UVRAG: variants seen among roughly 807,000 people sequenced by gnomAD.
UVRAG encodes UV radiation resistance associated, also known as UV radiation resistance-associated gene protein.
A neutral mutation model predicts 78.0 loss-of-function variants in UVRAG; 19 were observed. That is an observed-to-expected ratio of 0.24 (90% CI 0.17 to 0.36). The LOEUF is 0.36. UVRAG is among the 10% of genes least tolerant of loss of function. UVRAG has a pLI of 1.00. For missense variants in UVRAG, 740 were observed against 853.8 expected, an observed-to-expected ratio of 0.87 and a Z score of 1.66; for synonymous variants, 323 against 324.6, an observed-to-expected ratio of 1.00 and a Z score of 0.05.
At chr11:76,110,232 G>T (rs867331525) in intron 13 of UVRAG, among the ~76,000 whole-genome samples, 6 of 125,436 alleles carry the variant, frequency 4.8e-5, no homozygotes, top group Admixed American at 7.3e-5. Context: ...ATATATATAT[G>T]TATTAGTAAT....
chr11:75,920,730 G>T (rs368191836), intron 6 of UVRAG, among the ~76,000 whole-genome samples: 47 of 152,024 alleles, frequency 3.1e-4, no homozygotes, highest in African/African-American at 1.1e-3. Flanking sequence ...TCATAGATAT[G>T]ATTTATAGAT....
rs114339401 is a variant in UVRAG at position 75,858,953 on chromosome 11, T to C, written c.236-2793T>C. 5.0e-3 allele frequency among the ~76,000 whole-genome samples: 765 copies of C among 152,362 alleles called. 7 individuals carry two copies. The highest frequency in any genetic ancestry group is 0.017 in the African/African-American group (721 of 41,590). ...ATGGAATGCTGCAGAACAGCCAAAATATGCCACTTGAAACATACTCTGCAA... is the reference window on the plus strand; with the variant it reads ...ATGGAATGCTGCAGAACAGCCAAAACATGCCACTTGAAACATACTCTGCAA... On this transcript the variant is annotated intron_variant, in intron 2 of 14. Coordinates refer to ENST00000356136, the MANE Select transcript of UVRAG (RefSeq NM_003369.4).
intron 1 of UVRAG, among the ~76,000 whole-genome samples, chr11:75,831,361 G>T (rs535609662): frequency 6.6e-6 from 1 of 151,984 alleles, no homozygotes; most frequent in African/African-American, 2.4e-5. Flanking sequence ...GGTGGCAGGC[G>T]CCTGTAATCC....
At chr11:75,853,708 A>G (rs1946213975) in intron 2 of UVRAG, among the ~76,000 whole-genome samples, 2 of 151,620 alleles carry the variant, frequency 1.3e-5, no homozygotes, top group South Asian at 4.2e-4. Context: ...ATGTAATTTT[A>G]TTTCATTCTC....
At chr11:76,100,659 G>C (rs1487582144) in intron 13 of UVRAG, among the ~76,000 whole-genome samples, 1 of 152,080 alleles carries the variant, frequency 6.6e-6, no homozygotes, top group African/African-American at 2.4e-5. Context: ...TTGTTATATA[G>C]GTAAATTCTT....
At chr11:75,875,095 A>G (rs1272567586) in intron 3 of UVRAG, among the ~76,000 whole-genome samples, 3 of 152,114 alleles carry the variant, frequency 2.0e-5, no homozygotes, top group Admixed American at 6.5e-5. Flanking sequence ...TGGATTGTGA[A>G]TTTTGTCCAG....
At chr11:76,038,894 G>C (rs747754901) in intron 12 of UVRAG, among the ~76,000 whole-genome samples, 1 of 152,154 alleles carries the variant, frequency 6.6e-6, no homozygotes, top group African/African-American at 2.4e-5. Flanking sequence ...ACTCAATTCT[G>C]CCAACAACCT....
chr11:75,867,391 C>T (rs1206830216), intron 3 of UVRAG, among the ~76,000 whole-genome samples: 4 of 151,942 alleles, frequency 2.6e-5, no homozygotes, highest in Non-Finnish European at 4.4e-5. Context: ...GAAATAATAT[C>T]GTATGCACTC....
At chr11:76,091,494 A>G (rs1951695596) in intron 13 of UVRAG, among the ~76,000 whole-genome samples, 1 of 151,960 alleles carries the variant, frequency 6.6e-6, no homozygotes, top group South Asian at 2.1e-4. Flanking sequence ...TTCCTGGACT[A>G]CTATCGTTTA....
At chr11:75,867,092 T>C (rs771840402) in intron 3 of UVRAG, among the ~76,000 whole-genome samples, 6 of 152,320 alleles carry the variant, frequency 3.9e-5, no homozygotes, top group East Asian at 3.9e-4. Flanking sequence ...GTGACAGATA[T>C]TTGCTTCTCT....
intron 12 of UVRAG, among the ~76,000 whole-genome samples, chr11:76,033,760 AT>A (rs1200075773): frequency 2.0e-5 from 3 of 152,310 alleles, no homozygotes; most frequent in Non-Finnish European, 4.4e-5. Flanking sequence ...CTCACTAATA[AT>A]CAGGAAATGC....
At chr11:75,906,088 C>T (rs1278199855) in intron 5 of UVRAG, among the ~76,000 whole-genome samples, 1 of 152,122 alleles carries the variant, frequency 6.6e-6, no homozygotes, top group Non-Finnish European at 1.5e-5. Context: ...TTTATATCAT[C>T]TGGAAATTAG....
intron 2 of UVRAG, among the ~76,000 whole-genome samples, chr11:75,858,780 GT>G (rs1384277064): frequency 6.6e-6 from 1 of 152,150 alleles, no homozygotes; most frequent in Non-Finnish European, 1.5e-5. Context: ...TTGCCACCCT[GT>G]TAGGTGAAAA....
intron 2 of UVRAG, among the ~76,000 whole-genome samples, chr11:75,853,993 G>A (rs1946225688): frequency 6.6e-6 from 1 of 151,480 alleles, no homozygotes; most frequent in African/African-American, 2.4e-5. Flanking sequence ...GGCTGGTCTT[G>A]AACTCCTGAC....
intron 5 of UVRAG, among the ~76,000 whole-genome samples, chr11:75,911,015 AATGTGAAACATTGTTTCC>A (rs1441669620): frequency 6.6e-5 from 10 of 152,224 alleles, no homozygotes. Context: ...CACAATTTAT[AATGTGAAACATTGTTTCC>A]GTGGGAAACT....
intron 1 of UVRAG, among the ~76,000 whole-genome samples, chr11:75,827,592 CAA>C (rs922280735): frequency 4.0e-5 from 6 of 151,570 alleles, no homozygotes; most frequent in South Asian, 2.1e-4. Flanking sequence ...GCCTGGGCGA[CAA>C]GAGCAAAACT....
In UVRAG at chr11:75,856,138, C is replaced by T. The variant is rs565584640; in HGVS notation, c.235+4138C>T. Among the ~76,000 whole-genome samples, 63 of 152,134 alleles carry T rather than the reference C, an allele frequency of 4.1e-4. No homozygotes were observed. In the South Asian group the frequency reaches 4.6e-3, roughly 11 times the overall value. The stretch of plus-strand genomic sequence containing the variant: ...CCGAGTAGCTGGGACTACAGGCATC[C>T]GCCACCACGCCCAGCTAATTTTTTG... On this transcript the variant is annotated intron_variant, in intron 2 of 14. Transcript: ENST00000356136.
chr11:76,024,623 TTGA>T (rs1349077822), intron 12 of UVRAG, among the ~76,000 whole-genome samples: 1 of 152,200 alleles, frequency 6.6e-6, no homozygotes, highest in East Asian at 1.9e-4. Context: ...CATTTTACAA[TTGA>T]TGCTGTCTTA....
intron 7 of UVRAG, chr11:75,980,153 C>G (rs1415279689): frequency 6.4e-6 from 1 of 155,316 alleles, no homozygotes; most frequent in African/African-American, 2.6e-5. Flanking sequence ...CTCTCTCTCT[C>G]TCTGTTTTGT....
Sources: gnomAD v4.1 joint callset for allele counts (sites outside exome capture counted in the v4.1 genomes callset) on GRCh38, gnomAD v4.1.1 for gene constraint, MANE v1.5 for transcripts, NCBI Gene and HGNC (gene_info 2026-07-23, HGNC 2026-07-21) for gene names.